Variants in ATM observed in about 807,000 individuals in gnomAD.
ATM encodes serine-protein kinase ATM.
A neutral mutation model predicts 387.0 loss-of-function variants in ATM; 308 were observed. That is an observed-to-expected ratio of 0.80 (90% CI 0.73 to 0.87). The LOEUF is 0.87. Ranked by LOEUF, ATM falls within the 40% of genes least tolerant of loss-of-function variation. The probability of loss-of-function intolerance (pLI) is 0.00; values close to 1 mark genes in which losing one functional copy is unlikely to be tolerated. For missense variants in ATM, 3,312 were observed against 3,560.9 expected, an observed-to-expected ratio of 0.93 and a Z score of 1.78; for synonymous variants, 1,156 against 1,187.3, an observed-to-expected ratio of 0.97 and a Z score of 0.54.
At chr11:108,227,549 C>A in intron 1 of ATM, 46 bp from the exon 2 acceptor site, 1 of 1,110,466 alleles carries the variant, frequency 9.0e-7, no homozygotes, top group Non-Finnish European at 1.4e-6. Flanking sequence ...TCTATATATG[C>A]ATATATACAT....
intron 35 of ATM, among the ~76,000 whole-genome samples, chr11:108,302,242 G>C (rs1444421290): frequency 6.6e-6 from 1 of 152,074 alleles, no homozygotes. Flanking sequence ...AGGTTCCACT[G>C]TAAGTATTCT....
intron 61 of ATM, 54 bp from the exon 62 acceptor site, chr11:108,365,028 G>GT (rs1397536959): frequency 1.9e-5 from 31 of 1,590,446 alleles, no homozygotes; most frequent in Non-Finnish European, 2.2e-5. Context: ...CTGTTTCTAA[G>GT]TATGTGATTA....
At chr11:108,348,412 T>A (rs988229499) in intron 59 of ATM, among the ~76,000 whole-genome samples, 1 of 150,986 alleles carries the variant, frequency 6.6e-6, no homozygotes, top group Non-Finnish European at 1.5e-5. Flanking sequence ...TATGTATATA[T>A]ATAGACAGTT....
intron 5 of ATM, among the ~76,000 whole-genome samples, chr11:108,241,864 C>G (rs1175354586): frequency 6.6e-6 from 1 of 150,566 alleles, no homozygotes; most frequent in Non-Finnish European, 1.5e-5. Flanking sequence ...CCTCCCACCC[C>G]CTTCCAAGTA....
At position 108,335,839 on chromosome 11, in the gene ATM, C is replaced by G. The variant is rs200389039; in HGVS notation, c.8152-6C>G. The G allele has an allele frequency of 6.2e-7, 1 of 1,608,010 alleles. No homozygotes were observed. The highest frequency in any genetic ancestry group is 8.5e-7 in the Non-Finnish European group (1 of 1,174,864). ...ACTTGTTTATTCATGCTTAATTATT[C>G]TGAAGGGCCGTGATGACCTGAGACA... On this transcript the variant is annotated splice_region_variant and splice_polypyrimidine_tract_variant and intron_variant, in intron 55 of 62. Coordinates refer to ENST00000675843, the MANE Select transcript of ATM (RefSeq NM_000051.4).
intron 5 of ATM, among the ~76,000 whole-genome samples, chr11:108,240,070 T>A (rs899307934): frequency 1.5e-4 from 23 of 152,236 alleles, no homozygotes; most frequent in African/African-American, 5.5e-4. Flanking sequence ...CAGTGGTACA[T>A]TTGTTACCAT....
At position 108,325,572 on chromosome 11, in the gene ATM, T is replaced by C. The variant is rs368876711; in HGVS notation, c.6807+28T>C. The C allele has an allele frequency of 2.0e-6, 3 of 1,537,302 alleles. No individual in the cohort carries two copies. The African/African-American group carries it at 4.1e-5, about 21-fold the overall frequency. On this transcript the variant is annotated intron_variant, in intron 46 of 62. Coordinates refer to ENST00000675843, the MANE Select transcript of ATM (RefSeq NM_000051.4). ...AAATACAATTTAAAACTATGTCATC[T>C]TACCTCTTGACTTTCCTTTTATTAT...
At chr11:108,235,918 A>T (rs2234999) in intron 5 of ATM, 84 bp downstream of exon 5, 2 of 1,480,000 alleles carry the variant, frequency 1.4e-6, no homozygotes, top group East Asian at 4.5e-5. Flanking sequence ...GTATCTGTCT[A>T]TATCCCCCAA....
chr11:108,297,456 AT>A, intron 33 of ATM, 74 bp downstream of exon 33: 2 of 1,226,706 alleles, frequency 1.6e-6, no homozygotes, highest in Non-Finnish European at 2.4e-6. Context: ...ATAATACTGT[AT>A]TTTTACTGTA....
rs753951063 is a variant in ATM, at chr11:108,327,740, G to A, written c.7071G>A (p.Met2357Ile). The change falls in exon 48 of 63, where the codon ATG becomes ATA. Residue 2357 changes from methionine (M) to isoleucine (I), a missense_variant. Met to Ile is a conservative substitution (Grantham distance 10). This residue lies in a region of ATM where 1,405 missense variants were observed against 1,604.4 expected (regional missense o/e 0.88). Coordinates refer to ENST00000675843, the MANE Select transcript of ATM (RefSeq NM_000051.4). ...GCTTAGAAAATCCTGCGGTCATCAT[G>A]CAGACCTATCTAGAAAAGGTAAGAT... ...ETCLENPAVI[M>I]QTYLEKAVEV... 1.9e-6 allele frequency: 3 copies of A among 1,613,794 alleles called. No individual in the cohort carries two copies. The highest frequency in any genetic ancestry group is 1.3e-5 in the African/African-American group (1 of 75,024).
Position 108,365,521 on chromosome 11 carries a change from G to C in ATM, c.*13G>C, listed in dbSNP as rs1296955906. ...AGCTTGGGTGTGATCTTCAGTATAT[G>C]AATTACCCTTTCATTCAGCCTTTAG... On this transcript the variant is annotated 3_prime_UTR_variant, in exon 63 of 63. Transcript: ENST00000675843. 2 of 1,613,436 alleles carry C rather than the reference G, an allele frequency of 1.2e-6. No homozygotes were observed. The highest frequency in any genetic ancestry group is 1.7e-6 in the Non-Finnish European group (2 of 1,179,614).
intron 22 of ATM, among the ~76,000 whole-genome samples, chr11:108,277,596 A>G (rs1259415268): frequency 2.6e-5 from 4 of 152,020 alleles, no homozygotes; most frequent in Non-Finnish European, 4.4e-5. Flanking sequence ...ATAGCCCCTC[A>G]CAGCATAGTC....
chr11:108,252,935 T>G (rs2080234694), intron 12 of ATM, 23 bp downstream of exon 12: 3 of 1,552,066 alleles, frequency 1.9e-6, no homozygotes, highest in South Asian at 1.1e-5. Context: ...ATAATGCTCT[T>G]TATCATTTTA....
chr11:108,306,815 C>T (rs1246993472), intron 37 of ATM, among the ~76,000 whole-genome samples: 1 of 152,198 alleles, frequency 6.6e-6, no homozygotes, highest in East Asian at 1.9e-4. Flanking sequence ...TTCATCCCTT[C>T]CCCCAGCCTA....
At chr11:108,338,994 A>G (rs2087168389) in intron 56 of ATM, among the ~76,000 whole-genome samples, 1 of 152,192 alleles carries the variant, frequency 6.6e-6, no homozygotes, top group African/African-American at 2.4e-5. Context: ...ACTACCTGGA[A>G]CTAGATCTTG....
chr11:108,321,321 T>C lies in ATM; in HGVS notation c.6473T>C (p.Met2158Thr), dbSNP rs1453101465. Residue 2158 changes from methionine (M) to threonine (T), a missense_variant, in exon 45 of 63, where the codon ATG (methionine) becomes ACG (threonine). Met to Thr is a moderately conservative substitution (Grantham distance 81). Around this residue, in one of 4 missense-constraint regions of ATM, gnomAD observed 1,405 missense variants for 1,604.4 expected, o/e 0.88. Coordinates refer to ENST00000675843, the MANE Select transcript of ATM (RefSeq NM_000051.4). ...ACTAGAGTAAAAGAAGTGGAAGAGATGTGTAAGCGCAGCCTTGAGTCTGTG... is the reference window on the plus strand; with the variant it reads ...ACTAGAGTAAAAGAAGTGGAAGAGACGTGTAAGCGCAGCCTTGAGTCTGTG... ...KYARVKEVEE[M>T]CKRSLESVYS... 6.2e-7 allele frequency: 1 copy of C among 1,614,162 alleles called. No individual in the cohort carries two copies. The highest frequency in any genetic ancestry group is 1.7e-5 in the Admixed American group (1 of 60,026).
At chr11:108,251,596 C>T (rs1346576955) in intron 10 of ATM, among the ~76,000 whole-genome samples, 1 of 152,108 alleles carries the variant, frequency 6.6e-6, no homozygotes, top group Non-Finnish European at 1.5e-5. Context: ...GTTTAAATTT[C>T]TTTTATGTGC....
At chr11:108,224,691 T>A (rs1450780676) in intron 1 of ATM, 3 of 152,244 alleles carry the variant, frequency 2.0e-5, no homozygotes, top group Non-Finnish European at 4.4e-5. Flanking sequence ...TTGGCTTTAT[T>A]ATAAACTCCT....
At position 108,271,114 on chromosome 11, in the gene ATM, G is replaced by A. The variant is rs35098825; in HGVS notation, c.2889G>A (p.Met963Ile). ...CTGGAGAAGAGTACCCCTTGCCAAT[G>A]GAAGATGTTCTTGAACTTCTGAAAC... ...ELPGEEYPLP[M>I]EDVLELLKPL... is the part of the protein sequence containing the mutation. The change falls in exon 19 of 63, where the codon ATG becomes ATA. Residue 963 changes from methionine (M) to isoleucine (I), a missense_variant. Physicochemically the swap from Met to Ile is conservative, Grantham distance 10. Coordinates refer to ENST00000675843, the MANE Select transcript of ATM (RefSeq NM_000051.4). 13 of 1,613,922 alleles carry A rather than the reference G, an allele frequency of 8.1e-6. No individual in the cohort carries two copies. Among genetic ancestry groups the A allele is most frequent in the African/African-American group, 1.3e-5 (1 of 74,884 alleles).
Sources: gnomAD v4.1 joint callset for allele counts (sites outside exome capture counted in the v4.1 genomes callset) on GRCh38, gnomAD v4.1.1 for gene constraint, gnomAD v4.1.1 regional missense constraint, MANE v1.5 for transcripts, NCBI Gene and HGNC (gene_info 2026-07-23, HGNC 2026-07-21) for gene names.